Variants in ODR4 observed in about 807,000 individuals in gnomAD.
ODR4 encodes protein odr-4 homolog.
ODR4 carries 47 observed loss-of-function variants against 60.2 expected under a neutral mutation model. The ratio of observed to expected loss-of-function variants is 0.78; its 90% CI spans 0.62 to 1.00. ODR4 has a LOEUF of 1.00. Among genes scored for constraint, ODR4 ranks in the 50% least tolerant of loss-of-function variants. ODR4 has a pLI of 0.00. For synonymous variants in ODR4, 178 were observed against 175.5 expected (o/e 1.01, Z -0.11); for missense variants, 488 against 530.8 (o/e 0.92, Z 0.79).
chr1:186,401,066 A>C (rs1365493438), intron 11 of ODR4: 9 of 1,596,620 alleles, frequency 5.6e-6, no homozygotes, highest in Non-Finnish European at 7.7e-6. Context: ...ATCCACCATT[A>C]TTGTTAAAGA....
In ODR4 at chr1:186,406,272, A is replaced by G; in HGVS notation, c.1186+4A>G. 6.3e-7 allele frequency: 1 copy of G among 1,581,406 alleles called. No homozygotes were observed. Among genetic ancestry groups the G allele is most frequent in the Non-Finnish European group, 8.6e-7 (1 of 1,164,308 alleles). ...ATTGCAGAGGAAACAAACACAGGTC[A>G]TTATATGATGCTATTTAAGAACCTG... On this transcript the variant is annotated splice_donor_region_variant and intron_variant, in intron 12 of 13. Coordinates refer to ENST00000287859, the MANE Select transcript of ODR4 (RefSeq NM_017847.6).
At chr1:186,392,845 A>T (rs1216119473) in intron 8 of ODR4, among the ~76,000 whole-genome samples, 1 of 152,178 alleles carries the variant, frequency 6.6e-6, no homozygotes, top group African/African-American at 2.4e-5. Flanking sequence ...TCTACTAAAA[A>T]TAACAAAAAT....
chr1:186,395,499 G>A (rs1174522787), intron 9 of ODR4, among the ~76,000 whole-genome samples: 2 of 152,172 alleles, frequency 1.3e-5, no homozygotes, highest in Non-Finnish European at 1.5e-5. Flanking sequence ...TAGTCAGTAA[G>A]TATTTATTGC....
At chr1:186,380,480 T>G (rs1659981234) in intron 2 of ODR4, among the ~76,000 whole-genome samples, 1 of 151,822 alleles carries the variant, frequency 6.6e-6, no homozygotes, top group Non-Finnish European at 1.5e-5. Flanking sequence ...GGAACAGAGA[T>G]TCAGATACTT....
At chr1:186,388,004 T>A (rs956821066) in intron 4 of ODR4, among the ~76,000 whole-genome samples, 1 of 152,228 alleles carries the variant, frequency 6.6e-6, no homozygotes, top group Non-Finnish European at 1.5e-5. Flanking sequence ...AAATCACTTA[T>A]CATTTCTCAT....
At position 186,388,531 on chromosome 1, in the gene ODR4, T is replaced by C. The variant is rs755934949; in HGVS notation, c.420T>C (p.Ile140=). The stretch of plus-strand genomic sequence containing the variant: ...TCTCAGAACGAGTGACACTTCACAT[T>C]TGTGCTTCTACAAAAAAGTATCTTT... ...EEVSERVTLH[I]CASTKKIFCR... is the part of the protein sequence containing the mutation. Residue 140 remains isoleucine (I), a synonymous_variant, in exon 5 of 14, where the codon ATT becomes ATC. Transcript: ENST00000287859. 6.5e-7 allele frequency: 1 copy of C among 1,543,744 alleles called. No homozygotes were observed. The highest frequency in any genetic ancestry group is 2.0e-5 in the Admixed American group (1 of 48,912).
At chr1:186,414,866 G>C (rs1313374848) in intron 12 of ODR4, among the ~76,000 whole-genome samples, 4 of 152,074 alleles carry the variant, frequency 2.6e-5, no homozygotes, top group Admixed American at 2.6e-4. Context: ...AAGAGCCGAA[G>C]TTTGTTTTTG....
intron 12 of ODR4, among the ~76,000 whole-genome samples, chr1:186,416,762 A>G (rs962641051): frequency 1.0e-4 from 15 of 148,884 alleles, no homozygotes; most frequent in South Asian, 2.2e-4. Flanking sequence ...AGGTTGAGGC[A>G]GGAGAATCAC....
intron 4 of ODR4, among the ~76,000 whole-genome samples, chr1:186,387,569 C>T (rs916592551): frequency 2.6e-5 from 4 of 152,176 alleles, no homozygotes; most frequent in African/African-American, 9.7e-5. Context: ...CCACTGGCTA[C>T]ACTGACAAAC....
intron 11 of ODR4, among the ~76,000 whole-genome samples, chr1:186,404,488 C>A (rs995877910): frequency 1.3e-5 from 2 of 152,170 alleles, no homozygotes; most frequent in Non-Finnish European, 2.9e-5. Flanking sequence ...GCCAATTGCA[C>A]ATGCACATTA....
intron 12 of ODR4, among the ~76,000 whole-genome samples, chr1:186,407,935 C>G (rs1472345341): frequency 6.6e-6 from 1 of 152,000 alleles, no homozygotes; most frequent in Non-Finnish European, 1.5e-5. Context: ...AAGAAAAGGT[C>G]TATCGCTTTC....
chr1:186,378,251 A>G (rs1284542926), intron 1 of ODR4, among the ~76,000 whole-genome samples: 2 of 152,196 alleles, frequency 1.3e-5, no homozygotes. Context: ...TATCTCTGGT[A>G]GCCTTAACTT....
At chr1:186,414,329 C>CATATGA (rs1420037080) in intron 12 of ODR4, among the ~76,000 whole-genome samples, 1 of 151,830 alleles carries the variant, frequency 6.6e-6, no homozygotes, top group African/African-American at 2.4e-5. Flanking sequence ...GCATGATCTT[C>CATATGA]ATATGTAATA....
chr1:186,405,075 T>G (rs1381046535), intron 11 of ODR4, among the ~76,000 whole-genome samples: 1 of 152,206 alleles, frequency 6.6e-6, no homozygotes, highest in Non-Finnish European at 1.5e-5. Context: ...TATTTAGATT[T>G]ATTTTTTTCT....
rs1479272124 is a variant in ODR4 at position 186,375,853 on chromosome 1, A to G, written c.-141A>G. ...GTCGCTTTCTGATGAATTCAGTGGC[A>G]GTGAATTGAGACCGGAGGGAATCTG... On this transcript the variant is annotated 5_prime_UTR_variant, in exon 1 of 14. Transcript: ENST00000287859. The G allele has an allele frequency of 5.1e-6, 1 of 195,864 alleles. No individual in the cohort carries two copies. Among genetic ancestry groups the G allele is most frequent in the Non-Finnish European group, 1.1e-5 (1 of 87,300 alleles). 12.1% of individuals were successfully genotyped at this position (195,864 alleles called of 1,614,324 possible). A position where few individuals can be genotyped will look rare whatever the true frequency, so the allele number is the denominator to read the frequency against.
chr1:186,414,603 T>A (rs1307437516), intron 12 of ODR4, among the ~76,000 whole-genome samples: 2 of 151,354 alleles, frequency 1.3e-5, no homozygotes, highest in Non-Finnish European at 2.9e-5. Flanking sequence ...CACTGCAAGC[T>A]CTGCCTCCTG....
At chr1:186,401,325 G>A (rs1660936987) in intron 11 of ODR4, 2 of 633,504 alleles carry the variant, frequency 3.2e-6, no homozygotes, top group East Asian at 6.7e-5. Flanking sequence ...ACTGGCAATT[G>A]GGTGGCCTTG....
At chr1:186,404,767 T>G (rs1661112632) in intron 11 of ODR4, among the ~76,000 whole-genome samples, 1 of 152,186 alleles carries the variant, frequency 6.6e-6, no homozygotes, top group Non-Finnish European at 1.5e-5. Context: ...TTCGTCATCT[T>G]CTGTTTGTAA....
At chr1:186,427,731 G>A in the ODR4 span, among the ~76,000 whole-genome samples, 1 of 152,182 alleles carries the variant, frequency 6.6e-6, no homozygotes, top group African/African-American at 2.4e-5. Context: ...ATCTTTGGCA[G>A]CTATCACCTT....
Sources: gnomAD v4.1 joint callset for allele counts (sites outside exome capture counted in the v4.1 genomes callset) on GRCh38, gnomAD v4.1.1 for gene constraint, MANE v1.5 for transcripts, NCBI Gene and HGNC (gene_info 2026-07-23, HGNC 2026-07-21) for gene names.